Variants in AGO2 observed in about 807,000 individuals in gnomAD.
AGO2 encodes the protein argonaute RISC catalytic component 2, also known as protein argonaute-2.
In AGO2, 5 loss-of-function variants were observed where a neutral mutation model predicts 102.3. The ratio of observed to expected loss-of-function variants is 0.05; its 90% confidence interval spans 0.03 to 0.10. AGO2 has a LOEUF of 0.10. Among genes scored for constraint, AGO2 ranks in the 10% least tolerant of loss-of-function variants. The pLI is 1.00. For missense variants in AGO2, 541 were observed against 1,183.7 expected (o/e 0.46, Z 7.97); for synonymous variants, 449 against 473.1 (o/e 0.95, Z 0.66).
chr8:140,539,598 G>A lies in AGO2; in HGVS notation c.2035-144C>T, dbSNP rs112488667. 1.6e-4 allele frequency: 159 copies of A among 967,724 alleles called. No homozygotes were observed. In the African/African-American group the frequency reaches 1.9e-3, roughly 12 times the overall value. The allele number at this position is 967,724 out of a possible 1,614,324, so 59.9% of individuals were successfully genotyped here. ...TGTGTTCACGGGGAGGTGAAAACAC[G>A]GGGGCAGAAACCATCCTCTCTGCAG... is the stretch of plus-strand genomic sequence containing the variant. On this transcript the variant is annotated intron_variant, in intron 15 of 18. Coordinates refer to ENST00000220592, the MANE Select transcript of AGO2 (RefSeq NM_012154.5). The surrounding 1 kb of genome is among the most constrained non-coding windows in gnomAD (Gnocchi z 4.7).
intron 1 of AGO2, among the ~76,000 whole-genome samples, chr8:140,621,263 C>T (rs1468838581): frequency 6.6e-6 from 1 of 152,218 alleles, no homozygotes; most frequent in African/African-American, 2.4e-5. Flanking sequence ...CAGCCTCTGG[C>T]CGCAGCAGTC....
intron 1 of AGO2, among the ~76,000 whole-genome samples, chr8:140,619,164 T>G (rs531104872): frequency 6.6e-6 from 1 of 151,924 alleles, no homozygotes; most frequent in Non-Finnish European, 1.5e-5. Context: ...GCCCACACAG[T>G]GTATACAAGA....
rs1388950896 is a variant in AGO2, at chr8:140,522,528, G to A, written c.*9516C>T. On this transcript the variant is annotated 3_prime_UTR_variant, in exon 19 of 19. Transcript: ENST00000220592. ...AGCCACACAGAAATCTCAGACTGGA[G>A]GGGAAAAAAAAAAAGAAACATGAAA... 7.4e-6 allele frequency: 1 copy of A among 135,494 alleles called. No homozygotes were observed. Among genetic ancestry groups the A allele is most frequent in the East Asian group, 2.2e-4 (1 of 4,644 alleles). The allele number at this position is 135,494 out of a possible 1,614,324, so 8.4% of individuals were successfully genotyped here.
intron 10 of AGO2, among the ~76,000 whole-genome samples, chr8:140,552,738 G>GCACA (rs2073022218): frequency 1.0e-5 from 1 of 97,412 alleles, no homozygotes; most frequent in African/African-American, 4.9e-5. Flanking sequence ...ACGCGCGCGC[G>GCACA]CGCACACACA....
At chr8:140,595,968 TTA>T (rs1164562846) in intron 1 of AGO2, among the ~76,000 whole-genome samples, 3 of 83,256 alleles carry the variant, frequency 3.6e-5, no homozygotes, top group Non-Finnish European at 4.9e-5. Flanking sequence ...TATATATAAA[TTA>T]TATATATTAT....
chr8:140,582,792 CA>C (rs1382927651), intron 2 of AGO2, among the ~76,000 whole-genome samples: 1 of 152,138 alleles, frequency 6.6e-6, no homozygotes, highest in Non-Finnish European at 1.5e-5. Context: ...TGGACTTCAA[CA>C]AAACTAAAAA....
intron 10 of AGO2, among the ~76,000 whole-genome samples, chr8:140,553,370 A>G (rs2132919371): frequency 6.6e-6 from 1 of 151,962 alleles, no homozygotes; most frequent in African/African-American, 2.4e-5. Context: ...GGCAACAGAG[A>G]AACACTCTGC....
chr8:140,633,069 C>T (rs1439277258), intron 1 of AGO2, among the ~76,000 whole-genome samples: 3 of 151,968 alleles, frequency 2.0e-5, no homozygotes, highest in Admixed American at 6.6e-5. Flanking sequence ...TGCACCACCA[C>T]GCCCAGCTAA....
At chr8:140,601,778 T>C (rs553488804) in intron 1 of AGO2, among the ~76,000 whole-genome samples, 1 of 152,374 alleles carries the variant, frequency 6.6e-6, no homozygotes, top group African/African-American at 2.4e-5. Flanking sequence ...TATACTGTAC[T>C]TTAAAATTTT....
Position 140,589,545 on chromosome 8 carries a change from T to C in AGO2, c.23-4234A>G, listed in dbSNP as rs1054378949. 6.6e-6 allele frequency among the ~76,000 whole-genome samples: 1 copy of C among 152,136 alleles called. No homozygotes were observed. Among genetic ancestry groups the C allele is most frequent in the African/African-American group, 2.4e-5 (1 of 41,428 alleles). ...CCACCCAAATGACATGCAAAGCTGT[T>C]TCCAGAGCTCCAAAGTGAGTCATTA... On this transcript the variant is annotated intron_variant, in intron 1 of 18. Transcript: ENST00000220592. The surrounding 1 kb of genome is among the most constrained non-coding windows in gnomAD (Gnocchi z 4.2).
chr8:140,557,826 A>G lies in AGO2; in HGVS notation c.879-590T>C, dbSNP rs1360693369. Among the ~76,000 whole-genome samples the G allele has an allele frequency of 6.6e-6, 1 of 152,176 alleles. No homozygotes were observed. Among genetic ancestry groups the G allele is most frequent in the Non-Finnish European group, 1.5e-5 (1 of 68,028 alleles). On this transcript the variant is annotated intron_variant, in intron 7 of 18. Coordinates refer to ENST00000220592, the MANE Select transcript of AGO2 (RefSeq NM_012154.5). This position sits in a 1 kb window ranked among gnomAD's most constrained non-coding sequence, Gnocchi z 5.9. The stretch of plus-strand genomic sequence containing the variant: ...TCTACTGCACAGACCCCTTCCCCCA[A>G]TCCAGACTGCCGGGCCATCTGCAGC...
chr8:140,623,188 G>C (rs60623730), intron 1 of AGO2, among the ~76,000 whole-genome samples: 3 of 8,684 alleles, frequency 3.5e-4, no homozygotes, highest in African/African-American at 1.2e-3. Context: ...GGGGAATAAT[G>C]CACATGGGGT....
chr8:140,573,621 G>A (rs536600249), intron 2 of AGO2, among the ~76,000 whole-genome samples: 55 of 152,322 alleles, frequency 3.6e-4, no homozygotes, highest in African/African-American at 1.1e-3. Context: ...AACCTGATAC[G>A]CGCTGGGCAC....
At chr8:140,608,473 C>G (rs2074033054) in intron 1 of AGO2, among the ~76,000 whole-genome samples, 1 of 152,262 alleles carries the variant, frequency 6.6e-6, no homozygotes, top group Admixed American at 6.5e-5. Context: ...TTCGCCGGCC[C>G]CATGCCCCCT....
At chr8:140,549,430 A>C (rs2072957546) in intron 11 of AGO2, 132 bp from the exon 12 acceptor site, 1 of 879,092 alleles carries the variant, frequency 1.1e-6, no homozygotes, top group Non-Finnish European at 1.7e-6. Flanking sequence ...AATTGTTCTT[A>C]AAGTCCTGAA....
chr8:140,579,984 G>T (rs59663171), intron 2 of AGO2, among the ~76,000 whole-genome samples: 4,828 of 152,382 alleles, frequency 0.032, 253 homozygotes, highest in African/African-American at 0.11. Context: ...AGGAGGAAGA[G>T]GGGCAGGGGA....
Position 140,541,157 on chromosome 8 carries a change from C to G in AGO2, c.2034+7G>C, listed in dbSNP as rs993784550. The G allele has an allele frequency of 6.5e-7, 1 of 1,540,834 alleles. No individual in the cohort carries two copies. Among genetic ancestry groups the G allele is most frequent in the Admixed American group, 2.0e-5 (1 of 49,614 alleles). On this transcript the variant is annotated splice_region_variant and intron_variant, in intron 15 of 18. Transcript: ENST00000220592. ...GAAGGGGAGGGAAGGTTCCAAGAGG[C>G]GCCCACCTGCTGGAACTGGCCTTCA... is the stretch of plus-strand genomic sequence containing the variant.
chr8:140,568,552 C>T (rs9324525), intron 3 of AGO2, among the ~76,000 whole-genome samples: 31,497 of 152,038 alleles, frequency 0.21, 3,825 homozygotes, highest in Admixed American at 0.37. Flanking sequence ...CTATGCCTGC[C>T]GAGCCCAGGC....
intron 1 of AGO2, among the ~76,000 whole-genome samples, chr8:140,629,863 G>A (rs975293636): frequency 6.8e-6 from 1 of 146,854 alleles, no homozygotes; most frequent in Non-Finnish European, 1.5e-5. Flanking sequence ...GAGGAGAGGG[G>A]AGGGGAGGGG....
Sources: gnomAD v4.1 joint callset for allele counts (sites outside exome capture counted in the v4.1 genomes callset) on GRCh38, gnomAD v4.1.1 for gene constraint, Gnocchi (gnomAD v3.1) non-coding constraint, MANE v1.5 for transcripts, NCBI Gene and HGNC (gene_info 2026-07-23, HGNC 2026-07-21) for gene names.